RBFOX2: variants seen among roughly 807,000 people sequenced by gnomAD.
RBFOX2 encodes the protein RNA binding protein fox-1 homolog 2.
Under a neutral mutation model 49.1 loss-of-function variants are expected in RBFOX2, and 10 were observed. The ratio of observed to expected loss-of-function variants is 0.20; its 90% confidence interval spans 0.13 to 0.35. The LOEUF (loss-of-function observed/expected upper bound fraction) is 0.35. Among genes scored for constraint, RBFOX2 ranks in the 10% least tolerant of loss-of-function variants. The pLI is 1.00. For synonymous variants in RBFOX2, 183 were observed against 187.4 expected (o/e 0.98, Z 0.19); for missense variants, 323 against 486.9 (o/e 0.66, Z 3.17).
chr22:35,760,114 T>C (rs746360069), intron 8 of RBFOX2, 94 bp from the exon 10 acceptor site: 9 of 1,519,154 alleles, frequency 5.9e-6, no homozygotes, highest in South Asian at 3.4e-5. Context: ...ATAGAAAAGA[T>C]GGAAAGATAC....
chr22:35,771,046 T>C (rs1942525541), intron 4 of RBFOX2, among the ~76,000 whole-genome samples: 1 of 152,186 alleles, frequency 6.6e-6, no homozygotes, highest in African/African-American at 2.4e-5. Context: ...AAGATTTCTT[T>C]CTTTGCTTTG....
chr22:36,027,532 C>G (rs559684594), intron 1 of RBFOX2, among the ~76,000 whole-genome samples: 12 of 152,214 alleles, frequency 7.9e-5, no homozygotes, highest in African/African-American at 2.9e-4. Flanking sequence ...TTTTTTATAG[C>G]CCGGGACATT....
intron 1 of RBFOX2, among the ~76,000 whole-genome samples, chr22:35,869,943 A>G (rs773030784): frequency 6.6e-6 from 1 of 152,210 alleles, no homozygotes; most frequent in Non-Finnish European, 1.5e-5. Context: ...AATGTTTATT[A>G]TGAGTTAGAG....
Position 35,837,534 on chromosome 22 carries a change from C to T in RBFOX2, c.27+2658G>A, listed in dbSNP as rs781713578. Among the ~76,000 whole-genome samples the T allele has an allele frequency of 7.2e-4, 109 of 152,094 alleles. 1 individual carries two copies. Among genetic ancestry groups the T allele is most frequent in the Non-Finnish European group, 1.1e-3 (72 of 67,974 alleles). ...GCACACACACACACACACGCAGGCA[C>T]AACACAACACAACCACAGGACAAAT... On this transcript the variant is annotated intron_variant, in intron 1 of 11. Coordinates refer to ENST00000405409, the Ensembl canonical transcript of RBFOX2.
At position 35,754,805 on chromosome 22, in the gene RBFOX2, CCTGA is replaced by C. The variant is rs534073197; in HGVS notation, c.887+5079_887+5082del. 1.4e-3 allele frequency among the ~76,000 whole-genome samples: 209 copies of C among 152,198 alleles called. 6 individuals carry two copies. The East Asian group carries it at 0.017, about 12-fold the overall frequency. ...AAATATGGATTGGTTGGGTTTTATG[CCTGA>C]CTATTAATAATTTATGTAGTTCTGG... On this transcript the variant is annotated intron_variant, in intron 9 of 11. Coordinates refer to ENST00000405409, the Ensembl canonical transcript of RBFOX2.
At chr22:35,898,150 C>T (rs2048101817) in intron 1 of RBFOX2, 7 of 744,222 alleles carry the variant, frequency 9.4e-6, no homozygotes, top group Admixed American at 3.5e-5. Context: ...TGTATCACAC[C>T]GATAGGGTAT....
intron 1 of RBFOX2, among the ~76,000 whole-genome samples, chr22:35,835,337 C>T (rs923103018): frequency 6.6e-6 from 1 of 152,038 alleles, no homozygotes. Context: ...TGACTGGTTC[C>T]CAGAAACTAT....
chr22:35,826,851 T>C (rs986738426), intron 1 of RBFOX2, among the ~76,000 whole-genome samples: 3 of 152,208 alleles, frequency 2.0e-5, no homozygotes, highest in Non-Finnish European at 2.9e-5. Context: ...AACAATATAG[T>C]GTAATAAAAG....
intron 1 of RBFOX2, among the ~76,000 whole-genome samples, chr22:36,008,897 T>G (rs1300779812): frequency 2.0e-5 from 3 of 152,124 alleles, no homozygotes; most frequent in Non-Finnish European, 4.4e-5. Flanking sequence ...ATATACAATC[T>G]ATCTTCAAAA....
chr22:35,909,108 C>T (rs776840295), intron 1 of RBFOX2, among the ~76,000 whole-genome samples: 2 of 152,170 alleles, frequency 1.3e-5, no homozygotes, highest in Non-Finnish European at 2.9e-5. Flanking sequence ...TCCCGAAGTG[C>T]TGGAATTACA....
At chr22:35,802,774 AAG>A (rs1375270919) in intron 2 of RBFOX2, among the ~76,000 whole-genome samples, 1 of 152,170 alleles carries the variant, frequency 6.6e-6, no homozygotes, top group African/African-American at 2.4e-5. Context: ...CTGGAAAGAA[AAG>A]AGTCACAAAA....
chr22:35,962,933 T>C (rs1317916203), upstream of RBFOX2, among the ~76,000 whole-genome samples: 1 of 151,404 alleles, frequency 6.6e-6, no homozygotes, highest in East Asian at 1.9e-4. Flanking sequence ...TAATAAGGGC[T>C]CCAAGCAGGT....
chr22:35,845,302 T>A (rs966462405), upstream of RBFOX2, among the ~76,000 whole-genome samples: 3 of 151,792 alleles, frequency 2.0e-5, no homozygotes, highest in Non-Finnish European at 4.4e-5. Context: ...CCCCTTAACA[T>A]AAATGAAGTC....
chr22:35,816,998 G>A (rs757496397), intron 1 of RBFOX2, among the ~76,000 whole-genome samples: 2 of 152,180 alleles, frequency 1.3e-5, no homozygotes, highest in African/African-American at 4.8e-5. Flanking sequence ...CATAGATTAG[G>A]ATTCAGTGGG....
chr22:35,840,232 A>T, exon 1 of RBFOX2: 6 of 1,614,212 alleles, frequency 3.7e-6, no homozygotes, highest in Non-Finnish European at 4.2e-6. Flanking sequence ...CCAAACGGAT[A>T]GATGATAAAC....
At chr22:35,959,319 T>C (rs1197795244) in intron 1 of RBFOX2, among the ~76,000 whole-genome samples, 2 of 152,214 alleles carry the variant, frequency 1.3e-5, no homozygotes, top group Non-Finnish European at 2.9e-5. Context: ...ATTATAACTG[T>C]TCTTTCTGTT....
At chr22:35,996,508 G>A (rs2058197100) in intron 1 of RBFOX2, 2 of 152,100 alleles carry the variant, frequency 1.3e-5, no homozygotes, top group African/African-American at 4.8e-5. Flanking sequence ...AGGAGGCTGA[G>A]GCATGAGAAT....
intron 1 of RBFOX2, among the ~76,000 whole-genome samples, chr22:35,971,418 A>G (rs1215755550): frequency 6.6e-6 from 1 of 152,080 alleles, no homozygotes; most frequent in Non-Finnish European, 1.5e-5. Context: ...TCACATTCTC[A>G]TGTTCCCAAT....
At chr22:35,743,651 C>T (rs1931017240) in exon 12 of RBFOX2, 1 of 152,586 alleles carries the variant, frequency 6.6e-6, no homozygotes, top group African/African-American at 2.4e-5. Flanking sequence ...AGCACAAATT[C>T]CTATCTATCA....
Sources: allele counts gnomAD v4.1 joint callset (sites outside exome capture counted in the v4.1 genomes callset), GRCh38; gene constraint gnomAD v4.1.1; transcripts MANE v1.5; gene names NCBI Gene and HGNC (gene_info 2026-07-23, HGNC 2026-07-21).